KCNQ1: variants seen among roughly 807,000 people sequenced by gnomAD.
KCNQ1 encodes the protein potassium voltage-gated channel subfamily KQT member 1.
A neutral mutation model predicts 72.4 loss-of-function variants in KCNQ1; 49 were observed. The observed-to-expected ratio is 0.68, with a 90% CI of 0.54 to 0.86. The LOEUF (loss-of-function observed/expected upper bound fraction) is 0.86. Ranked by LOEUF, KCNQ1 falls within the 40% of genes least tolerant of loss-of-function variation. KCNQ1 has a pLI of 0.00. For synonymous variants in KCNQ1, 450 were observed against 412.6 expected, an observed-to-expected ratio of 1.09 and a Z score of -1.10; for missense variants, 790 against 945.1, an observed-to-expected ratio of 0.84 and a Z score of 2.15.
intron 2 of KCNQ1, among the ~76,000 whole-genome samples, chr11:2,533,540 C>T (rs1177072532): frequency 1.3e-5 from 2 of 152,254 alleles, no homozygotes; most frequent in Non-Finnish European, 2.9e-5. Flanking sequence ...AAGTGGCACA[C>T]GTGTGCATGT....
chr11:2,693,170 A>G lies in KCNQ1; in HGVS notation c.1514+31089A>G, dbSNP rs190641542. 4 of 398,690 alleles carry G rather than the reference A, an allele frequency of 1.0e-5. No individual in the cohort carries two copies. In the Admixed American group the frequency reaches 1.8e-4, roughly 18 times the overall value. 24.7% of individuals were successfully genotyped at this position (398,690 alleles called of 1,614,324 possible). A position where few individuals can be genotyped will look rare whatever the true frequency, so the allele number is the denominator to read the frequency against. On this transcript the variant is annotated intron_variant, in intron 11 of 15. Coordinates refer to ENST00000155840, the MANE Select transcript of KCNQ1 (RefSeq NM_000218.3). ...TCAGTCTACACTCTGTGATCCACTC[A>G]TGAATATCTGGTCTGGCTCTGCGTT... is the stretch of plus-strand genomic sequence containing the variant.
chr11:2,761,929 C>T (rs548370040), intron 11 of KCNQ1, among the ~76,000 whole-genome samples: 7 of 152,372 alleles, frequency 4.6e-5, no homozygotes, highest in South Asian at 2.1e-4. Context: ...GAAGCAGCCA[C>T]GGGGCATGGC....
chr11:2,747,543 G>A (rs1019525551), intron 11 of KCNQ1, among the ~76,000 whole-genome samples: 13 of 152,292 alleles, frequency 8.5e-5, no homozygotes, highest in African/African-American at 2.9e-4. Context: ...GGCATCCACC[G>A]TGTGCCAGTC....
intron 2 of KCNQ1, among the ~76,000 whole-genome samples, chr11:2,553,639 A>G (rs757222784): frequency 7.2e-5 from 11 of 152,110 alleles, no homozygotes; most frequent in Non-Finnish European, 1.6e-4. Context: ...CACAAAGCCC[A>G]CTTGGTCATG....
chr11:2,648,120 G>T (rs911443661), intron 10 of KCNQ1: 2 of 381,940 alleles, frequency 5.2e-6, no homozygotes, highest in Non-Finnish European at 9.2e-6. Context: ...CAGGAGGATT[G>T]CTTGAGCCCA....
chr11:2,558,882 G>T (rs1343577655), intron 2 of KCNQ1, among the ~76,000 whole-genome samples: 2 of 152,142 alleles, frequency 1.3e-5, no homozygotes, highest in Non-Finnish European at 2.9e-5. Flanking sequence ...CCAAGAATGT[G>T]CTAGGCCCAG....
rs1410052421 is a variant in KCNQ1 at position 2,657,623 on chromosome 11, A to T, written c.1394-4338A>T. 3 of 398,624 alleles carry T rather than the reference A, an allele frequency of 7.5e-6. No homozygotes were observed. Among genetic ancestry groups the T allele is most frequent in the Admixed American group, 4.4e-5 (1 of 22,736 alleles). 24.7% of individuals were successfully genotyped at this position (398,624 alleles called of 1,614,324 possible). A position where few individuals can be genotyped will look rare whatever the true frequency, so the allele number is the denominator to read the frequency against. On this transcript the variant is annotated intron_variant, in intron 10 of 15. Coordinates refer to ENST00000155840, the MANE Select transcript of KCNQ1 (RefSeq NM_000218.3). This position sits in a 1 kb window ranked among gnomAD's most constrained non-coding sequence, Gnocchi z 4.8. ...ACTAAAAAATTAACATTGGTACACT[A>T]TTAAGCTAGAGTTATAAATTTATTT...
chr11:2,662,113 C>G, intron 11 of KCNQ1, 32 bp downstream of exon 11: 1 of 1,613,638 alleles, frequency 6.2e-7, no homozygotes, highest in Non-Finnish European at 8.5e-7. Flanking sequence ...AAGGGCTGGG[C>G]TGGAGGGGAC....
rs888080130 is a variant in KCNQ1, at chr11:2,679,257, C to T, written c.1514+17176C>T. 15 of 398,514 alleles carry T rather than the reference C, an allele frequency of 3.8e-5. No homozygotes were observed. The highest frequency in any genetic ancestry group is 2.9e-4 in the African/African-American group (14 of 48,632). The allele number at this position is 398,514 out of a possible 1,614,324, so 24.7% of individuals were successfully genotyped here. A position where few individuals can be genotyped will look rare whatever the true frequency, so the allele number is the denominator to read the frequency against. ...CTACAGCTGCCTGTCCCACCCTTGG[C>T]TGTGCTCTCCTTTACTAATCCATAG... On this transcript the variant is annotated intron_variant, in intron 11 of 15. Coordinates refer to ENST00000155840, the MANE Select transcript of KCNQ1 (RefSeq NM_000218.3). The surrounding 1 kb of genome is among the most constrained non-coding windows in gnomAD (Gnocchi z 4.8).
In KCNQ1 at chr11:2,768,318, G is replaced by A. The variant is rs113365627; in HGVS notation, c.1515-526G>A. ...AGAAACTTTAGGAGGCAAAAACAGC[G>A]CAGCCCCCTTAACAGAGTGGCTCTG... On this transcript the variant is annotated intron_variant, in intron 11 of 15. Transcript: ENST00000155840. The surrounding 1 kb of genome is among the most constrained non-coding windows in gnomAD (Gnocchi z 6.7). 0.024 allele frequency among the ~76,000 whole-genome samples: 3,689 copies of A among 152,286 alleles called. 166 individuals are homozygous for A. Among genetic ancestry groups the A allele is most frequent in the African/African-American group, 0.084 (3,471 of 41,546 alleles).
intron 6 of KCNQ1, among the ~76,000 whole-genome samples, chr11:2,573,257 G>T (rs184064559): frequency 1.3e-5 from 2 of 152,192 alleles, no homozygotes; most frequent in Non-Finnish European, 2.9e-5. Flanking sequence ...GGTCACTGGA[G>T]CGTGTGTTGG....
rs1328536359 is a variant in KCNQ1 at position 2,626,787 on chromosome 11, A to G, written c.1394-35174A>G. Reference sequence around the variant, plus strand: ...CAGAAGTCCTCCCACCTCAGCCTTCAAAAGTGCTGAGATTACAGGTGTAGG... The same window carrying G: ...CAGAAGTCCTCCCACCTCAGCCTTCGAAAGTGCTGAGATTACAGGTGTAGG... On this transcript the variant is annotated intron_variant, in intron 10 of 15. Transcript: ENST00000155840. The surrounding 1 kb of genome is among the most constrained non-coding windows in gnomAD (Gnocchi z 4.0). 1 of 398,580 alleles carries G rather than the reference A, an allele frequency of 2.5e-6. No homozygotes were observed. Among genetic ancestry groups the G allele is most frequent in the Non-Finnish European group, 4.4e-6 (1 of 226,062 alleles). 24.7% of individuals were successfully genotyped at this position (398,580 alleles called of 1,614,324 possible).
intron 1 of KCNQ1, among the ~76,000 whole-genome samples, chr11:2,499,343 G>A (rs2188202): frequency 0.54 from 82,687 of 151,936 alleles, 23,545 homozygotes; most frequent in Non-Finnish European, 0.63. Flanking sequence ...ATTAAAGCAT[G>A]CCACTAGAGA....
rs1846499818 is a variant in KCNQ1 at position 2,766,482 on chromosome 11, A to G, written c.1515-2362A>G. 1.3e-5 allele frequency among the ~76,000 whole-genome samples: 2 copies of G among 152,346 alleles called. No homozygotes were observed. Among genetic ancestry groups the G allele is most frequent in the South Asian group, 2.1e-4 (1 of 4,826 alleles). On this transcript the variant is annotated intron_variant, in intron 11 of 15. Transcript: ENST00000155840. The surrounding 1 kb of genome is among the most constrained non-coding windows in gnomAD (Gnocchi z 4.4). ...CAGAATTCTAAGAGGGTAAGAGTAG[A>G]TGCCACAAGGTCCTTGAGGCTGAGC... is the stretch of plus-strand genomic sequence containing the variant.
At chr11:2,694,589 T>A (rs1457154559) in intron 11 of KCNQ1, 2 of 398,504 alleles carry the variant, frequency 5.0e-6, no homozygotes, top group Admixed American at 8.8e-5. Flanking sequence ...CACACTTTCC[T>A]GGCCTGGCCT....
intron 11 of KCNQ1, chr11:2,666,415 G>A (rs573781860): frequency 7.5e-6 from 3 of 398,700 alleles, no homozygotes; most frequent in African/African-American, 4.1e-5. Context: ...ACAGCCCCGT[G>A]TGCGTTAATT....
rs1420322830 is a variant in KCNQ1 at position 2,515,035 on chromosome 11, T to C, written c.387-12893T>C. ...TCCTCAAGTCTTTCTTGTTTTTTTA[T>C]GTTATTTTATTTTAGATTTGAGGAG... On this transcript the variant is annotated intron_variant, in intron 1 of 15. Coordinates refer to ENST00000155840, the MANE Select transcript of KCNQ1 (RefSeq NM_000218.3). The surrounding 1 kb of genome is among the most constrained non-coding windows in gnomAD (Gnocchi z 4.7). Among the ~76,000 whole-genome samples, 1 of 152,186 alleles carries C rather than the reference T, an allele frequency of 6.6e-6. No individual in the cohort carries two copies.
At chr11:2,845,649 GTT>G (rs1848311733) in intron 15 of KCNQ1, among the ~76,000 whole-genome samples, 1 of 152,230 alleles carries the variant, frequency 6.6e-6, no homozygotes, top group African/African-American at 2.4e-5. Flanking sequence ...GTTCAGGACA[GTT>G]GGGTCTCAGA....
Position 2,559,663 on chromosome 11 carries a change from G to T in KCNQ1, c.478-10965G>T, listed in dbSNP as rs1263656452. On this transcript the variant is annotated intron_variant, in intron 2 of 15. Coordinates refer to ENST00000155840, the MANE Select transcript of KCNQ1 (RefSeq NM_000218.3). The surrounding 1 kb of genome is among the most constrained non-coding windows in gnomAD (Gnocchi z 4.9). ...GAAGACACGTCCGGGCAGCTGGCAG[G>T]TGGGGCTAGTTCTGGAGGGAAAGCG... 6.6e-6 allele frequency among the ~76,000 whole-genome samples: 1 copy of T among 152,212 alleles called. No individual in the cohort carries two copies. Among genetic ancestry groups the T allele is most frequent in the Non-Finnish European group, 1.5e-5 (1 of 68,042 alleles).
Sources: gnomAD v4.1 joint callset for allele counts (sites outside exome capture counted in the v4.1 genomes callset) on GRCh38, gnomAD v4.1.1 for gene constraint, Gnocchi (gnomAD v3.1) non-coding constraint, MANE v1.5 for transcripts, NCBI Gene and HGNC (gene_info 2026-07-23, HGNC 2026-07-21) for gene names.